Variants in HPSE2 observed in about 807,000 individuals in gnomAD.
The protein encoded by HPSE2 is heparanase 2 (inactive).
A neutral mutation model predicts 60.5 loss-of-function variants in HPSE2; 38 were observed. That is an observed-to-expected ratio of 0.63 (90% CI 0.48 to 0.82). The LOEUF (loss-of-function observed/expected upper bound fraction) is 0.82, where lower values mean the gene tolerates loss of function less well. HPSE2 is among the 40% of genes least tolerant of loss of function. The pLI, the probability that HPSE2 is intolerant of heterozygous loss-of-function variation, is 0.00. For synonymous variants in HPSE2, 295 were observed against 293.2 expected (o/e 1.01, Z -0.06); for missense variants, 713 against 740.4 (o/e 0.96, Z 0.43).
At chr10:98,847,367 C>G (rs1410888672) in intron 3 of HPSE2, among the ~76,000 whole-genome samples, 2 of 152,098 alleles carry the variant, frequency 1.3e-5, no homozygotes, top group Non-Finnish European at 2.9e-5. Context: ...CTGTAACAAC[C>G]CTAAAAGTAT....
chr10:98,966,215 G>A (rs1277979079), intron 3 of HPSE2, among the ~76,000 whole-genome samples: 1 of 152,156 alleles, frequency 6.6e-6, no homozygotes, highest in African/African-American at 2.4e-5. Context: ...GATGAGGACT[G>A]AGTTACACTG....
intron 11 of HPSE2, among the ~76,000 whole-genome samples, chr10:98,469,362 G>C (rs1364090372): frequency 6.6e-6 from 1 of 152,136 alleles, no homozygotes; most frequent in Non-Finnish European, 1.5e-5. Flanking sequence ...ATAGGAACCA[G>C]CTATAAAAAC....
intron 3 of HPSE2, among the ~76,000 whole-genome samples, chr10:99,060,838 G>T (rs960870082): frequency 6.6e-6 from 1 of 151,938 alleles, no homozygotes; most frequent in Non-Finnish European, 1.5e-5. Flanking sequence ...AATAAACCAG[G>T]AACAGAAAAA....
intron 3 of HPSE2, among the ~76,000 whole-genome samples, chr10:98,817,121 T>C (rs969417835): frequency 6.6e-6 from 1 of 152,110 alleles, no homozygotes; most frequent in Non-Finnish European, 1.5e-5. Flanking sequence ...CGTTGTTCCA[T>C]TTGTGCCCAC....
chr10:98,964,903 C>A (rs1211412244), intron 3 of HPSE2, among the ~76,000 whole-genome samples: 1 of 152,064 alleles, frequency 6.6e-6, no homozygotes, highest in Non-Finnish European at 1.5e-5. Flanking sequence ...TAAACCATTC[C>A]TTTGGTTTCC....
chr10:99,074,530 T>A (rs751603127), intron 3 of HPSE2, among the ~76,000 whole-genome samples: 14 of 152,176 alleles, frequency 9.2e-5, no homozygotes, highest in Non-Finnish European at 1.9e-4. Context: ...TCTTGTAGTG[T>A]CTTTGTATAG....
chr10:98,481,576 A>G (rs1216604942), intron 11 of HPSE2, among the ~76,000 whole-genome samples: 1 of 152,236 alleles, frequency 6.6e-6, no homozygotes, highest in Non-Finnish European at 1.5e-5. Flanking sequence ...AAGAGCCAGC[A>G]TGTGAACCGA....
intron 3 of HPSE2, among the ~76,000 whole-genome samples, chr10:99,025,273 T>C (rs1004097294): frequency 2.0e-5 from 3 of 152,132 alleles, no homozygotes; most frequent in Non-Finnish European, 2.9e-5. Flanking sequence ...AGGTCAACCA[T>C]TGTGCAAAGC....
chr10:98,727,823 G>A (rs1301386540), intron 4 of HPSE2, among the ~76,000 whole-genome samples: 2 of 152,046 alleles, frequency 1.3e-5, no homozygotes, highest in Non-Finnish European at 2.9e-5. Flanking sequence ...ATCTCATACA[G>A]GAGAACACAA....
chr10:98,906,780 A>G (rs1447915924), intron 3 of HPSE2, among the ~76,000 whole-genome samples: 1 of 151,920 alleles, frequency 6.6e-6, no homozygotes, highest in African/African-American at 2.4e-5. Context: ...GGCACGCACC[A>G]GTAGTCCCAG....
the HPSE2 span, among the ~76,000 whole-genome samples, chr10:99,290,082 C>G: frequency 9.9e-5 from 15 of 151,904 alleles, no homozygotes; most frequent in Admixed American, 9.8e-4. Context: ...GATCTATAAA[C>G]CTATAGATTG....
chr10:99,307,831 C>T, the HPSE2 span, among the ~76,000 whole-genome samples: 1 of 136,536 alleles, frequency 7.3e-6, no homozygotes, highest in African/African-American at 2.7e-5. Flanking sequence ...CTAGTAAATG[C>T]GCACACACAC....
chr10:98,721,952 G>C, intron 4 of HPSE2, 124 bp from the exon 5 acceptor site: 1 of 853,384 alleles, frequency 1.2e-6, no homozygotes, highest in South Asian at 1.5e-5. Flanking sequence ...AAAAAAGTGG[G>C]TGTGAATTAT....
chr10:99,238,888 C>T (rs527452688), upstream of HPSE2, among the ~76,000 whole-genome samples: 3 of 152,290 alleles, frequency 2.0e-5, no homozygotes, highest in South Asian at 6.2e-4. Flanking sequence ...AGGCCAGGCA[C>T]AGTGGCTCAC....
chr10:98,960,701 C>CTTTTTTTTTTTTT, intron 3 of HPSE2, among the ~76,000 whole-genome samples: 54 of 57,510 alleles, frequency 9.4e-4, no homozygotes, highest in African/African-American at 1.6e-3. Flanking sequence ...ATGTACATTT[C>CTTTTTTTTTTTTT]TTTTTTTTTT....
chr10:99,165,081 CAAAAAAAAAAAAAA>C (rs56263581), intron 2 of HPSE2, among the ~76,000 whole-genome samples: 1 of 65,764 alleles, frequency 1.5e-5, no homozygotes, highest in Non-Finnish European at 2.7e-5. Context: ...GACTCGGTCT[CAAAAAAAAAAAAAA>C]AAAAAAAAAA....
intron 10 of HPSE2, among the ~76,000 whole-genome samples, chr10:98,488,824 G>T (rs72838940): frequency 6.6e-6 from 1 of 152,198 alleles, no homozygotes; most frequent in Non-Finnish European, 1.5e-5. Context: ...TGAGCAAAAG[G>T]GATGTTGAAA....
At chr10:98,895,994 G>A (rs1011146615) in intron 3 of HPSE2, among the ~76,000 whole-genome samples, 85 of 149,910 alleles carry the variant, frequency 5.7e-4, no homozygotes, top group African/African-American at 1.9e-3. Context: ...TAAATGACGA[G>A]TTAATGGGTA....
the HPSE2 span, among the ~76,000 whole-genome samples, chr10:99,260,974 C>T: frequency 0.027 from 4,184 of 152,278 alleles, 192 homozygotes; most frequent in African/African-American, 0.095. Flanking sequence ...CCAGTACAAA[C>T]TCGACAGTGG....
Sources: gnomAD v4.1 joint callset for allele counts (sites outside exome capture counted in the v4.1 genomes callset) on GRCh38, gnomAD v4.1.1 for gene constraint, MANE v1.5 for transcripts, NCBI Gene and HGNC (gene_info 2026-07-23, HGNC 2026-07-21) for gene names.